The following C5orf46 variants were observed in gnomAD, a reference collection of about 807,000 sequenced individuals.
C5orf46 encodes chromosome 5 open reading frame 46.
In C5orf46, 9 loss-of-function variants were observed where a neutral mutation model predicts 8.9. The ratio of observed to expected loss-of-function variants is 1.01; its 90% CI spans 0.61 to 1.76. C5orf46 has a LOEUF of 1.76. C5orf46 is among the 40% of genes most tolerant of loss of function. The pLI is 0.00. For missense variants in C5orf46, 98 were observed against 107.8 expected (o/e 0.91, Z 0.40); for synonymous variants, 47 against 41.4 (o/e 1.14, Z -0.52).
chr5:147,902,490 G>C (rs1282739878), intron 1 of C5orf46, among the ~76,000 whole-genome samples: 1 of 152,040 alleles, frequency 6.6e-6, no homozygotes, highest in Non-Finnish European at 1.5e-5. Context: ...AAATATCAAT[G>C]GGTAACATTT....
chr5:147,889,149 G>A (rs1372581928), downstream of C5orf46, among the ~76,000 whole-genome samples: 1 of 152,074 alleles, frequency 6.6e-6, no homozygotes, highest in African/African-American at 2.4e-5. Flanking sequence ...TGAAAAAATA[G>A]AAATGATATG....
chr5:147,891,993 A>C (rs1757509437), downstream of C5orf46, among the ~76,000 whole-genome samples: 1 of 152,230 alleles, frequency 6.6e-6, no homozygotes, highest in African/African-American at 2.4e-5. Flanking sequence ...AGTTACTTTC[A>C]GAGTTTATGT....
chr5:147,896,893 T>A (rs575495365), intron 3 of C5orf46, 91 bp downstream of exon 3: 105 of 527,380 alleles, frequency 2.0e-4, no homozygotes, highest in African/African-American at 2.0e-3. Flanking sequence ...TAGACATGGG[T>A]AACCAAAATT....
intron 2 of C5orf46, among the ~76,000 whole-genome samples, 199 bp from the exon 3 acceptor site, chr5:147,897,240 C>T (rs1426462484): frequency 6.6e-6 from 1 of 152,130 alleles, no homozygotes; most frequent in Non-Finnish European, 1.5e-5. Context: ...TTTGCATCTG[C>T]CAACAAACCC....
rs769272120 is a variant in C5orf46 at position 147,901,734 on chromosome 5, G to A, written c.110C>T (p.Ser37Leu). 32 of 1,613,798 alleles carry A rather than the reference G, an allele frequency of 2.0e-5. No individual in the cohort carries two copies. Among genetic ancestry groups the A allele is most frequent in the Admixed American group, 6.7e-5 (4 of 59,996 alleles). ...GAAGTCTGGCTTTGGGTCTTTGCCC[G>A]AGTCGTCTGGCTTGTCGTCTGGCTT... is the stretch of plus-strand genomic sequence containing the variant. ...PDKPDDKPDD[S>L]GKDPKPDFPK... The change falls in exon 2 of 4, where the codon TCG becomes TTG. Residue 37 changes from serine (S) to leucine (L), a missense_variant. Physicochemically the swap from Ser to Leu is moderately radical, Grantham distance 145. Transcript: ENST00000318315.
chr5:147,893,993 G>A (rs921130184), intron 3 of C5orf46, among the ~76,000 whole-genome samples: 1 of 151,936 alleles, frequency 6.6e-6, no homozygotes, highest in African/African-American at 2.4e-5. Context: ...GTGGCCACGG[G>A]CAATTTTGCT....
intron 3 of C5orf46, among the ~76,000 whole-genome samples, chr5:147,896,354 A>G (rs1316332353): frequency 6.6e-6 from 1 of 152,222 alleles, no homozygotes; most frequent in African/African-American, 2.4e-5. Flanking sequence ...TATGAATTAA[A>G]TACTACAAGC....
chr5:147,904,400 G>A (rs368318314), intron 1 of C5orf46, among the ~76,000 whole-genome samples: 20 of 152,224 alleles, frequency 1.3e-4, no homozygotes, highest in African/African-American at 3.6e-4. Flanking sequence ...ACTCCACAAA[G>A]CACATTATTC....
chr5:147,888,839 T>A (rs984301387), downstream of C5orf46, among the ~76,000 whole-genome samples: 3 of 152,208 alleles, frequency 2.0e-5, no homozygotes, highest in Admixed American at 6.5e-5. Context: ...TATATGCATA[T>A]GTTTAAATTC....
chr5:147,893,482 C>A (rs1489866251), intron 3 of C5orf46, among the ~76,000 whole-genome samples: 1 of 151,782 alleles, frequency 6.6e-6, no homozygotes, highest in East Asian at 1.9e-4. Flanking sequence ...GACAGGGTTT[C>A]ACAGTTTTAG....
chr5:147,891,469 T>G (rs1757502473), downstream of C5orf46, among the ~76,000 whole-genome samples: 1 of 152,174 alleles, frequency 6.6e-6, no homozygotes, highest in Non-Finnish European at 1.5e-5. Context: ...AGCGACCCGT[T>G]AGGAATTTAC....
At chr5:147,888,713 A>G (rs762521845), downstream of C5orf46, among the ~76,000 whole-genome samples, 1 of 152,180 alleles carries the variant, frequency 6.6e-6, no homozygotes, top group African/African-American at 2.4e-5. Context: ...CTTCCCAAGC[A>G]AGTCTCTCAA....
intron 3 of C5orf46, among the ~76,000 whole-genome samples, chr5:147,895,586 G>T (rs1757567959): frequency 6.6e-6 from 1 of 152,106 alleles, no homozygotes; most frequent in Non-Finnish European, 1.5e-5. Context: ...TGTTCTTTCT[G>T]CTCCTCCATG....
At chr5:147,885,997 AAAG>A (rs1757412477) in intron 2 of C5orf46, 1 of 152,192 alleles carries the variant, frequency 6.6e-6, no homozygotes, top group South Asian at 2.1e-4. Context: ...ATTCAACAAA[AAAG>A]GAGAACAAAC....
At chr5:147,890,205 T>C (rs960372104), downstream of C5orf46, among the ~76,000 whole-genome samples, 1 of 152,226 alleles carries the variant, frequency 6.6e-6, no homozygotes, top group Non-Finnish European at 1.5e-5. Context: ...GCATATCTTC[T>C]GCATCAAGAC....
intron 3 of C5orf46, among the ~76,000 whole-genome samples, chr5:147,893,792 C>T (rs773290743): frequency 1.3e-5 from 2 of 152,140 alleles, no homozygotes; most frequent in South Asian, 2.1e-4. Flanking sequence ...TCTGCCCGCT[C>T]GGCCTCCCAA....
At chr5:147,888,456 T>G (rs572077431), downstream of C5orf46, among the ~76,000 whole-genome samples, 3 of 152,200 alleles carry the variant, frequency 2.0e-5, no homozygotes, top group Non-Finnish European at 4.4e-5. Context: ...TCCTTCTTAT[T>G]TGCTTTCCAG....
At chr5:147,897,937 G>A (rs934799686) in intron 2 of C5orf46, among the ~76,000 whole-genome samples, 2 of 152,146 alleles carry the variant, frequency 1.3e-5, no homozygotes, top group Non-Finnish European at 2.9e-5. Flanking sequence ...GCTTCAGGTT[G>A]CAGAGGTGAG....
intron 2 of C5orf46, among the ~76,000 whole-genome samples, chr5:147,900,618 T>C (rs1257334191): frequency 6.6e-6 from 1 of 152,214 alleles, no homozygotes; most frequent in Non-Finnish European, 1.5e-5. Context: ...CCTGAAAAGC[T>C]TGTTGAAAAC....
Sources: gnomAD v4.1 joint callset for allele counts (sites outside exome capture counted in the v4.1 genomes callset) on GRCh38, gnomAD v4.1.1 for gene constraint, MANE v1.5 for transcripts, NCBI Gene and HGNC (gene_info 2026-07-23, HGNC 2026-07-21) for gene names.